The following GPC3 variants were observed in gnomAD, a reference collection of about 807,000 sequenced individuals.
The protein encoded by GPC3 is glypican-3.
In GPC3, 3 loss-of-function variants were observed where a neutral mutation model predicts 34.4. That is an observed-to-expected ratio of 0.09 (90% CI 0.04 to 0.23). The LOEUF is 0.23. Ranked by LOEUF, GPC3 falls within the 10% of genes least tolerant of loss-of-function variation. The pLI, the probability that GPC3 is intolerant of heterozygous loss-of-function variation, is 1.00. For missense variants in GPC3, 351 were observed against 445.6 expected, an observed-to-expected ratio of 0.79 and a Z score of 1.91; for synonymous variants, 177 against 174.0, an observed-to-expected ratio of 1.02 and a Z score of -0.13.
At chrX:133,655,452 G>A (rs1257817134) in intron 6 of GPC3, among the ~76,000 whole-genome samples, 3 of 106,965 alleles carry the variant, frequency 2.8e-5, no homozygotes, top group Non-Finnish European at 5.8e-5. Context: ...AACATGTCTT[G>A]TAGGTACTCT....
intron 6 of GPC3, among the ~76,000 whole-genome samples, chrX:133,634,996 A>C (rs2070404549): frequency 9.1e-6 from 1 of 110,054 alleles, no homozygotes; most frequent in Non-Finnish European, 1.9e-5. Flanking sequence ...ACCTTACCAG[A>C]CTCCTCCCCT....
At chrX:133,647,028 C>T (rs991077237) in intron 6 of GPC3, among the ~76,000 whole-genome samples, 1 of 111,863 alleles carries the variant, frequency 8.9e-6, no homozygotes, top group African/African-American at 3.3e-5. Context: ...ATATTCTGTA[C>T]ATACTTGAAA....
intron 2 of GPC3, among the ~76,000 whole-genome samples, chrX:133,938,892 T>G (rs966388986): frequency 8.9e-6 from 1 of 112,127 alleles, no homozygotes; most frequent in Non-Finnish European, 1.9e-5. Context: ...GATCTGGGCT[T>G]TCACAATTTG....
At position 133,568,915 on chromosome X, in the gene GPC3, C is replaced by T. The variant is rs2069602740; in HGVS notation, c.1573+27525G>A. On this transcript the variant is annotated intron_variant, in intron 7 of 7. Transcript: ENST00000370818. The stretch of plus-strand genomic sequence containing the variant: ...GGCAAGGTGACTTACACCTGTAATC[C>T]TAGCACTTTGAGAGGTGGAGGCAGG... Among the ~76,000 whole-genome samples, 3 of 111,880 alleles carry T rather than the reference C, an allele frequency of 2.7e-5. No individual in the cohort carries two copies. In the Admixed American group the frequency reaches 2.8e-4, roughly 11 times the overall value.
chrX:133,889,934 A>AT lies in GPC3; in HGVS notation c.337+63115dup, dbSNP rs1173954584. Among the ~76,000 whole-genome samples the AT allele has an allele frequency of 5.7e-5, 6 of 104,646 alleles. No individual in the cohort carries two copies. The Admixed American group carries it at 6.4e-4, about 11-fold the overall frequency. 90.9% of individuals were successfully genotyped at this position (104,646 alleles called of 115,157 possible). On this transcript the variant is annotated intron_variant, in intron 2 of 7. Coordinates refer to ENST00000370818, the MANE Select transcript of GPC3 (RefSeq NM_004484.4). ...CGCTACAAACTCCACTGCCTCGCTA[A>AT]TTTTTTTTGTATTTTTAGTAGAGAC... is the stretch of plus-strand genomic sequence containing the variant.
intron 2 of GPC3, among the ~76,000 whole-genome samples, chrX:133,917,264 A>C (rs2076229110): frequency 8.9e-6 from 1 of 112,016 alleles, no homozygotes; most frequent in Non-Finnish European, 1.9e-5. Flanking sequence ...GAGTCTGAGA[A>C]AGAATATACA....
At chrX:133,894,010 T>C (rs1343543110) in intron 2 of GPC3, among the ~76,000 whole-genome samples, 1 of 110,695 alleles carries the variant, frequency 9.0e-6, no homozygotes, top group Non-Finnish European at 1.9e-5. Context: ...GCCTGGCTTA[T>C]TTTTGTATTT....
intron 2 of GPC3, among the ~76,000 whole-genome samples, chrX:133,788,088 T>TTATATATATATATATATATATATATATA (rs56318773): frequency 4.6e-5 from 3 of 64,945 alleles, no homozygotes; most frequent in Non-Finnish European, 7.8e-5. Context: ...TCATATTATT[T>TTATATATATATATATATATATATATATA]TATATATATA....
At chrX:133,926,451 A>C (rs908856360) in intron 2 of GPC3, among the ~76,000 whole-genome samples, 1 of 112,309 alleles carries the variant, frequency 8.9e-6, no homozygotes, top group African/African-American at 3.2e-5. Context: ...ATGTTTTTCT[A>C]TAGAGTGATT....
intron 2 of GPC3, among the ~76,000 whole-genome samples, chrX:133,916,337 C>T (rs2076224903): frequency 1.8e-5 from 2 of 111,130 alleles, no homozygotes; most frequent in South Asian, 3.8e-4. Flanking sequence ...AGTATATATA[C>T]ACTTTTTTCT....
At chrX:133,772,391 C>T (rs968068045) in intron 2 of GPC3, among the ~76,000 whole-genome samples, 1 of 110,998 alleles carries the variant, frequency 9.0e-6, no homozygotes, top group African/African-American at 3.3e-5. Context: ...CACACCAACA[C>T]GGAGAAAGGT....
chrX:133,782,436 GT>G (rs2072057383), intron 2 of GPC3, among the ~76,000 whole-genome samples: 1 of 112,106 alleles, frequency 8.9e-6, no homozygotes, highest in African/African-American at 3.2e-5. Flanking sequence ...GAGCAAGTCA[GT>G]TACCTCTGGA....
At chrX:133,824,254 A>G (rs2058488329) in intron 2 of GPC3, among the ~76,000 whole-genome samples, 1 of 111,855 alleles carries the variant, frequency 8.9e-6, no homozygotes, top group Admixed American at 9.5e-5. Flanking sequence ...ATGGTCTAAC[A>G]ATCCAATTAA....
At position 133,836,739 on chromosome X, in the gene GPC3, G is replaced by C. The variant is rs1433001435; in HGVS notation, c.338-82563C>G. Among the ~76,000 whole-genome samples the C allele has an allele frequency of 2.7e-5, 3 of 111,546 alleles. No individual in the cohort carries two copies. In the South Asian group the frequency reaches 1.2e-3, roughly 43 times the overall value. ...CGGACTTTCTGTTTCGGGAAGATGA[G>C]GACAAAATTCTTCCAGGCAAGAGTA... On this transcript the variant is annotated intron_variant, in intron 2 of 7. Coordinates refer to ENST00000370818, the MANE Select transcript of GPC3 (RefSeq NM_004484.4).
chrX:133,561,299 C>T (rs2069537748), intron 7 of GPC3, among the ~76,000 whole-genome samples: 1 of 112,271 alleles, frequency 8.9e-6, no homozygotes. Flanking sequence ...TCTTAATGGC[C>T]TCAGGAGAGG....
At chrX:133,632,836 A>G (rs1196980911) in intron 6 of GPC3, among the ~76,000 whole-genome samples, 4 of 111,573 alleles carry the variant, frequency 3.6e-5, no homozygotes, top group African/African-American at 1.3e-4. Flanking sequence ...CAACTCAACC[A>G]AAGCATACCA....
chrX:133,834,781 G>T (rs937753582), intron 2 of GPC3, among the ~76,000 whole-genome samples: 8 of 111,736 alleles, frequency 7.2e-5, no homozygotes, highest in African/African-American at 2.3e-4. Flanking sequence ...ATTTTAACAG[G>T]GTTATTGTTC....
At chrX:133,872,553 C>G (rs1357752940) in intron 2 of GPC3, among the ~76,000 whole-genome samples, 5 of 111,397 alleles carry the variant, frequency 4.5e-5, no homozygotes, top group African/African-American at 1.6e-4. Flanking sequence ...TTTCTCACCC[C>G]CATATTGCTT....
intron 7 of GPC3, among the ~76,000 whole-genome samples, chrX:133,579,801 G>T (rs1285032174): frequency 9.0e-6 from 1 of 111,484 alleles, no homozygotes; most frequent in African/African-American, 3.3e-5. Flanking sequence ...CTCCCACAGT[G>T]CCAGGATTAC....
Sources: allele counts gnomAD v4.1 joint callset (sites outside exome capture counted in the v4.1 genomes callset), GRCh38; gene constraint gnomAD v4.1.1; transcripts MANE v1.5; gene names NCBI Gene and HGNC (gene_info 2026-07-23, HGNC 2026-07-21).